Variants in TRPM3 observed in about 807,000 individuals in gnomAD.
TRPM3 encodes transient receptor potential cation channel subfamily M member 3, also known as long transient receptor potential channel 3.
TRPM3 carries 77 observed loss-of-function variants against 181.2 expected under a neutral mutation model. The observed-to-expected ratio is 0.42, with a 90% CI of 0.35 to 0.51. The LOEUF (loss-of-function observed/expected upper bound fraction) is 0.51. Ranked by LOEUF, TRPM3 falls within the 20% of genes least tolerant of loss-of-function variation. The probability of loss-of-function intolerance (pLI) is 0.01; values close to 1 mark genes in which losing one functional copy is unlikely to be tolerated. For synonymous variants in TRPM3, 745 were observed against 796.4 expected, an observed-to-expected ratio of 0.94 and a Z score of 1.09; for missense variants, 1,759 against 2,196.7, an observed-to-expected ratio of 0.80 and a Z score of 3.98.
chr9:70,568,342 A>G (rs1228223818), intron 22 of TRPM3, among the ~76,000 whole-genome samples: 1 of 152,244 alleles, frequency 6.6e-6, no homozygotes, highest in Non-Finnish European at 1.5e-5. Flanking sequence ...CTAGAGATGC[A>G]CACATCAAAT....
chr9:70,669,125 G>T (rs907056495), intron 9 of TRPM3, among the ~76,000 whole-genome samples: 6 of 152,236 alleles, frequency 3.9e-5, no homozygotes, highest in Admixed American at 6.5e-5. Context: ...GGGGCTGGGG[G>T]TGACCACAGC....
At chr9:70,956,961 C>CTTTTTTTTT (rs747544684) in intron 1 of TRPM3, among the ~76,000 whole-genome samples, 1 of 137,396 alleles carries the variant, frequency 7.3e-6, no homozygotes. Context: ...TTCTTTCTTT[C>CTTTTTTTTT]TTTTTTTTTT....
At chr9:70,546,621 A>G (rs1158817990) in intron 25 of TRPM3, among the ~76,000 whole-genome samples, 2 of 151,666 alleles carry the variant, frequency 1.3e-5, no homozygotes, top group African/African-American at 4.9e-5. Context: ...AACATTTGAT[A>G]GAACAGGCTT....
At chr9:71,031,456 C>A (rs1048081726) in intron 1 of TRPM3, among the ~76,000 whole-genome samples, 2 of 152,048 alleles carry the variant, frequency 1.3e-5, no homozygotes, top group Non-Finnish European at 2.9e-5. Context: ...AGGTTGCTAT[C>A]GAGAATGGAG....
chr9:71,395,420 G>C (rs766428037), intron 1 of TRPM3, among the ~76,000 whole-genome samples: 21 of 152,160 alleles, frequency 1.4e-4, no homozygotes, highest in Admixed American at 6.5e-4. Flanking sequence ...TTGAACCACA[G>C]TACACTACAT....
At chr9:70,865,059 G>T (rs1383776950) in intron 1 of TRPM3, among the ~76,000 whole-genome samples, 1 of 150,442 alleles carries the variant, frequency 6.6e-6, no homozygotes, top group African/African-American at 2.4e-5. Context: ...GGGGGGGGAG[G>T]AAAATAAAAG....
intron 1 of TRPM3, among the ~76,000 whole-genome samples, chr9:71,270,416 C>A (rs1240601173): frequency 1.3e-5 from 2 of 152,142 alleles, no homozygotes; most frequent in African/African-American, 4.8e-5. Flanking sequence ...ATATTTCAAA[C>A]CCCTAAAAGG....
At chr9:70,888,858 T>G (rs13289287) in intron 1 of TRPM3, among the ~76,000 whole-genome samples, 2 of 152,012 alleles carry the variant, frequency 1.3e-5, no homozygotes, top group Non-Finnish European at 2.9e-5. Context: ...CCTGGAAGAT[T>G]AGACATATGC....
chr9:70,828,342 TC>T, intron 5 of TRPM3, among the ~76,000 whole-genome samples: 1 of 152,212 alleles, frequency 6.6e-6, no homozygotes, highest in South Asian at 2.1e-4. Context: ...TTGCTAATGA[TC>T]CCAAAATAAT....
chr9:70,950,313 A>G (rs2096984132), intron 1 of TRPM3, among the ~76,000 whole-genome samples: 1 of 152,206 alleles, frequency 6.6e-6, no homozygotes, highest in African/African-American at 2.4e-5. Flanking sequence ...ATTGGCTTTT[A>G]ATAAAGAGCT....
At chr9:70,761,544 T>TGTTCAG in intron 8 of TRPM3, 57 bp downstream of exon 8, 2 of 1,612,948 alleles carry the variant, frequency 1.2e-6, no homozygotes, top group Non-Finnish European at 1.7e-6. Context: ...TGTTGTGTGA[T>TGTTCAG]TCAAGAAAAT....
chr9:70,643,335 T>C (rs149325796), intron 9 of TRPM3, among the ~76,000 whole-genome samples: 1 of 152,358 alleles, frequency 6.6e-6, no homozygotes, highest in Non-Finnish European at 1.5e-5. Context: ...AATAGTTTAA[T>C]CATTCCCTTT....
chr9:71,115,236 T>C (rs1276365852), intron 1 of TRPM3, among the ~76,000 whole-genome samples: 1 of 133,578 alleles, frequency 7.5e-6, no homozygotes, highest in East Asian at 2.4e-4. Flanking sequence ...CGTGGGGTCC[T>C]TCCAAGAGCT....
chr9:71,183,937 G>T (rs938604774), intron 1 of TRPM3, among the ~76,000 whole-genome samples: 1 of 152,042 alleles, frequency 6.6e-6, no homozygotes, highest in Non-Finnish European at 1.5e-5. Flanking sequence ...ACTATACAAG[G>T]TATAAAAAAT....
At chr9:70,643,141 A>T (rs116441396) in intron 9 of TRPM3, among the ~76,000 whole-genome samples, 2,160 of 152,308 alleles carry the variant, frequency 0.014, 53 homozygotes, top group African/African-American at 0.049. Flanking sequence ...AACAACAGGG[A>T]CTGCACACTC....
At chr9:71,434,878 A>C (rs1274428427) in intron 1 of TRPM3, among the ~76,000 whole-genome samples, 1 of 152,162 alleles carries the variant, frequency 6.6e-6, no homozygotes, top group African/African-American at 2.4e-5. Flanking sequence ...TTTTATCAAA[A>C]ATCAGATGTC....
chr9:70,833,292 G>A (rs191008439), intron 5 of TRPM3, among the ~76,000 whole-genome samples: 31 of 152,284 alleles, frequency 2.0e-4, no homozygotes, highest in East Asian at 1.2e-3. Context: ...ATTGGACTAC[G>A]TCAGGTTTTT....
At chr9:71,420,102 C>G (rs1405010889) in intron 1 of TRPM3, among the ~76,000 whole-genome samples, 1 of 151,898 alleles carries the variant, frequency 6.6e-6, no homozygotes, top group Non-Finnish European at 1.5e-5. Flanking sequence ...CCATTTTAAA[C>G]CTTCTTAAAC....
intron 6 of TRPM3, chr9:70,811,368 G>T (rs1162581503): frequency 2.6e-6 from 2 of 773,960 alleles, no homozygotes; most frequent in Non-Finnish European, 4.3e-6. Context: ...GTTGCACAGT[G>T]AAACCTATGT....
Sources: gnomAD v4.1 joint callset for allele counts (sites outside exome capture counted in the v4.1 genomes callset) on GRCh38, gnomAD v4.1.1 for gene constraint, MANE v1.5 for transcripts, NCBI Gene and HGNC (gene_info 2026-07-23, HGNC 2026-07-21) for gene names.